Variants in ZNF451 observed in about 807,000 individuals in gnomAD.
ZNF451 encodes E3 SUMO-protein ligase ZNF451.
Under a neutral mutation model 107.1 loss-of-function variants are expected in ZNF451, and 80 were observed. That is an observed-to-expected ratio of 0.75 (90% CI 0.62 to 0.90). ZNF451 has a LOEUF of 0.90. ZNF451 is among the 40% of genes least tolerant of loss of function. ZNF451 has a pLI of 0.00. For synonymous variants in ZNF451, 362 were observed against 406.5 expected, an observed-to-expected ratio of 0.89 and a Z score of 1.32; for missense variants, 1,107 against 1,236.2, an observed-to-expected ratio of 0.90 and a Z score of 1.57.
At chr6:57,105,193 A>G in intron 3 of ZNF451, 1 of 985,310 alleles carries the variant, frequency 1.0e-6, no homozygotes, top group South Asian at 4.7e-5. Context: ...ACGTTTAAAT[A>G]CCTCTAGGTT....
intron 4 of ZNF451, among the ~76,000 whole-genome samples, chr6:57,127,028 G>A (rs1487407090): frequency 6.6e-6 from 1 of 152,048 alleles, no homozygotes; most frequent in Non-Finnish European, 1.5e-5. Flanking sequence ...TTCTTGCAAG[G>A]AACTTTGATA....
rs1830196721 is a variant in ZNF451, at chr6:57,113,308, ATGTCATTCTTTT to A, written c.187-11424_187-11413del. Among the ~76,000 whole-genome samples the A allele has an allele frequency of 2.0e-5, 3 of 149,630 alleles. No homozygotes were observed. In the South Asian group the frequency reaches 6.3e-4, roughly 32 times the overall value. ...CATCCATGTTCCTGCAGAGGACATG[ATGTCATTCTTTT>A]TTTTTTTTTGGCCGTATAGTAGTCC... On this transcript the variant is annotated intron_variant, in intron 3 of 14. Coordinates refer to ENST00000370706, the MANE Select transcript of ZNF451 (RefSeq NM_001031623.3).
At chr6:57,145,447 A>T (rs2127977369) in intron 9 of ZNF451, among the ~76,000 whole-genome samples, 1 of 152,270 alleles carries the variant, frequency 6.6e-6, no homozygotes, top group East Asian at 1.9e-4. Context: ...ACCCTCACCC[A>T]TTTCCCAACC....
intron 3 of ZNF451, chr6:57,102,475 C>A: frequency 1.0e-6 from 1 of 996,260 alleles, no homozygotes; most frequent in South Asian, 4.5e-5. Flanking sequence ...GATTTTGAAT[C>A]TAGAAATAAT....
intron 3 of ZNF451, chr6:57,101,306 T>C (rs1163656058): frequency 1.3e-6 from 2 of 1,550,754 alleles, no homozygotes; most frequent in Admixed American, 2.0e-5. Context: ...AAACGTTTGG[T>C]TCCTCCATTG....
chr6:57,137,591 A>C (rs558344611), intron 7 of ZNF451, among the ~76,000 whole-genome samples: 1 of 152,300 alleles, frequency 6.6e-6, no homozygotes, highest in African/African-American at 2.4e-5. Context: ...TGGCTATTAC[A>C]TCACCAGATA....
intron 9 of ZNF451, 95 bp from the exon 10 acceptor site, chr6:57,146,995 C>T (rs754832980): frequency 3.0e-5 from 34 of 1,117,056 alleles, no homozygotes; most frequent in Middle Eastern, 4.1e-4. Context: ...CTTATTTATA[C>T]GTTGGTTATT....
At chr6:57,139,197 G>A (rs1273246724) in intron 7 of ZNF451, among the ~76,000 whole-genome samples, 1 of 152,084 alleles carries the variant, frequency 6.6e-6, no homozygotes, top group Non-Finnish European at 1.5e-5. Flanking sequence ...TAAAACAGGA[G>A]GGGAGTGTGG....
chr6:57,161,157 C>A lies in ZNF451; in HGVS notation c.3139+5C>A, dbSNP rs897662188. The A allele has an allele frequency of 4.1e-6, 6 of 1,476,746 alleles. No individual in the cohort carries two copies. Among genetic ancestry groups the A allele is most frequent in the Non-Finnish European group, 5.4e-6 (6 of 1,107,784 alleles). 91.5% of individuals were successfully genotyped at this position (1,476,746 alleles called of 1,614,324 possible). A position where few individuals can be genotyped will look rare whatever the true frequency, so the allele number is the denominator to read the frequency against. On this transcript the variant is annotated splice_donor_5th_base_variant and intron_variant, in intron 14 of 14. Coordinates refer to ENST00000370706, the MANE Select transcript of ZNF451 (RefSeq NM_001031623.3). The stretch of plus-strand genomic sequence containing the variant: ...AAGAATTTATATCCACAGAAGGTAA[C>A]CTAATAGAGTTAATCTCTTTTCTAC...
chr6:57,112,414 A>T (rs1452638418), intron 3 of ZNF451, among the ~76,000 whole-genome samples: 1 of 152,232 alleles, frequency 6.6e-6, no homozygotes, highest in East Asian at 1.9e-4. Flanking sequence ...GGAGTCCCTT[A>T]CATATAAGAT....
In ZNF451 at chr6:57,150,851, G is replaced by A; in HGVS notation, c.2741G>A (p.Trp914Ter). Residue 914 changes from tryptophan (W) to a stop codon, truncating the protein, a stop_gained, in exon 11 of 15, where the codon TGG (tryptophan) becomes TAG (stop). Coordinates refer to ENST00000370706, the MANE Select transcript of ZNF451 (RefSeq NM_001031623.3). LOFTEE classifies it high-confidence loss of function. The part of the protein sequence containing the change: ...PGHLNQGTFI[W>*]GFQGGNTNWK... ...CATCTAAACCAAGGAACATTTATTT[G>A]GGGCTTTCAAGGTACGGTTAATAAG... 5 of 1,613,902 alleles carry A rather than the reference G, an allele frequency of 3.1e-6. No individual in the cohort carries two copies. The highest frequency in any genetic ancestry group is 4.2e-6 in the Non-Finnish European group (5 of 1,179,950).
In ZNF451 at chr6:57,141,314, G is replaced by A. The variant is rs2127974114; in HGVS notation, c.715G>A (p.Asp239Asn). 1.9e-6 allele frequency: 3 copies of A among 1,608,062 alleles called. No individual in the cohort carries two copies. The highest frequency in any genetic ancestry group is 2.5e-6 in the Non-Finnish European group (3 of 1,176,804). Residue 239 changes from aspartate to asparagine, a missense_variant, in exon 8 of 15, where the codon GAT becomes AAT. Coordinates refer to ENST00000370706, the MANE Select transcript of ZNF451 (RefSeq NM_001031623.3). Reference sequence around the variant, plus strand: ...TCTTATATTTTAGGAAGCCACAGATGATGGACATAACAACAACCTTCTTCC... The same window carrying A: ...TCTTATATTTTAGGAAGCCACAGATAATGGACATAACAACAACCTTCTTCC... The part of the protein sequence containing the change: ...DHLFDKEATD[D>N]GHNNNLLPQI...
At chr6:57,110,397 C>T (rs747650374) in intron 3 of ZNF451, among the ~76,000 whole-genome samples, 15 of 152,164 alleles carry the variant, frequency 9.9e-5, no homozygotes, top group Non-Finnish European at 1.9e-4. Flanking sequence ...CCATTATGTA[C>T]ATCTAGAACA....
chr6:57,124,773 G>C lies in ZNF451; in HGVS notation c.226G>C (p.Asp76His). The change falls in exon 4 of 15, where the codon GAT becomes CAT. Residue 76 changes from aspartate to histidine, a missense_variant. Transcript: ENST00000370706. ...KRKDHIDYQK[D>H]KVALTLARLA... is the part of the protein sequence containing the mutation. Reference sequence around the variant, plus strand: ...TAAAGACCATATTGATTATCAGAAGGATAAAGTTGCTTTAACTCTGGCTCG... The same window carrying C: ...TAAAGACCATATTGATTATCAGAAGCATAAAGTTGCTTTAACTCTGGCTCG... 1 of 1,601,282 alleles carries C rather than the reference G, an allele frequency of 6.2e-7. No individual in the cohort carries two copies.
Position 57,124,760 on chromosome 6 carries a change from T to C in ZNF451, c.213T>C (p.Ile71=), listed in dbSNP as rs1438864255. Residue 71 remains isoleucine, a synonymous_variant, in exon 4 of 15, where the codon ATT becomes ATC. Coordinates refer to ENST00000370706, the MANE Select transcript of ZNF451 (RefSeq NM_001031623.3). ...AGAATATTAAACGTAAAGACCATAT[T>C]GATTATCAGAAGGATAAAGTTGCTT... ...TDENIKRKDH[I]DYQKDKVALT... is the part of the protein sequence containing the mutation. 4 of 1,595,684 alleles carry C rather than the reference T, an allele frequency of 2.5e-6. No individual in the cohort carries two copies. The Admixed American group carries it at 6.7e-5, about 27-fold the overall frequency.
Position 57,099,065 on chromosome 6 carries a change from G to A in ZNF451, c.110G>A (p.Gly37Glu). ...NEDDIQFVSEGPLRPVLEYID... is the reference protein window; with the variant it reads ...NEDDIQFVSEEPLRPVLEYID... ...AATTTGCTTGATTGTTTATAGGAAG[G>A]ACCATTACGACCTGTTCTTGAATAC... is the stretch of plus-strand genomic sequence containing the variant. Residue 37 changes from glycine (G) to glutamate (E), a missense_variant, in exon 3 of 15, where the codon GGA becomes GAA. By Grantham distance (98) the Gly-to-Glu change is moderately conservative (BLOSUM62 -2). Coordinates refer to ENST00000370706, the MANE Select transcript of ZNF451 (RefSeq NM_001031623.3). The A allele has an allele frequency of 1.2e-6, 2 of 1,613,094 alleles. No homozygotes were observed. The highest frequency in any genetic ancestry group is 8.5e-7 in the Non-Finnish European group (1 of 1,179,248).
intron 14 of ZNF451, among the ~76,000 whole-genome samples, chr6:57,164,662 T>G (rs1763820400): frequency 6.6e-6 from 1 of 152,228 alleles, no homozygotes; most frequent in Non-Finnish European, 1.5e-5. Context: ...TCTCTTCATT[T>G]TATATGAAAA....
Position 57,148,035 on chromosome 6 carries a change from A to G in ZNF451, c.1950A>G (p.Thr650=), listed in dbSNP as rs532338618. The G allele has an allele frequency of 1.4e-5, 23 of 1,614,000 alleles. No individual in the cohort carries two copies. The highest frequency in any genetic ancestry group is 1.9e-5 in the Non-Finnish European group (23 of 1,179,994). ...GAAAGCCTTTTCATAAGATAGAAAC[A>G]TTGTACCGACATTGCCAAGATGAGC... ...HCRKPFHKIE[T]LYRHCQDEHD... The change falls in exon 10 of 15, where the codon ACA becomes ACG. Residue 650 remains threonine (T), a synonymous_variant. Coordinates refer to ENST00000370706, the MANE Select transcript of ZNF451 (RefSeq NM_001031623.3).
intron 11 of ZNF451, 62 bp from the exon 12 acceptor site, chr6:57,152,159 T>C (rs1275843183): frequency 2.6e-6 from 4 of 1,529,478 alleles, no homozygotes; most frequent in East Asian, 4.5e-5. Context: ...TTTTTCTTGA[T>C]AAAATTTTTG....
Sources: allele counts gnomAD v4.1 joint callset (sites outside exome capture counted in the v4.1 genomes callset), GRCh38; gene constraint gnomAD v4.1.1; transcripts MANE v1.5; gene names NCBI Gene and HGNC (gene_info 2026-07-23, HGNC 2026-07-21).